LRP1: variants seen among roughly 807,000 people sequenced by gnomAD.
LRP1 encodes the protein prolow-density lipoprotein receptor-related protein 1.
In LRP1, 51 loss-of-function variants were observed where a neutral mutation model predicts 541.5. The observed-to-expected ratio is 0.09, with a 90% CI of 0.08 to 0.12. LRP1 has a LOEUF of 0.12. LRP1 is among the 10% of genes least tolerant of loss of function. The pLI, the probability that LRP1 is intolerant of heterozygous loss-of-function variation, is 1.00. For missense variants in LRP1, 3,878 were observed against 6,376.2 expected, an observed-to-expected ratio of 0.61 and a Z score of 13.34; for synonymous variants, 2,219 against 2,470.8, an observed-to-expected ratio of 0.90 and a Z score of 3.02.
intron 15 of LRP1, among the ~76,000 whole-genome samples, chr12:57,164,025 G>T (rs564912840): frequency 1.8e-4 from 27 of 152,232 alleles, no homozygotes; most frequent in African/African-American, 6.3e-4. Flanking sequence ...ACAAAAATTA[G>T]CCAGGCATGG....
chr12:57,184,341 T>C lies in LRP1; in HGVS notation c.6075T>C (p.Thr2025=). 6.2e-7 allele frequency: 1 copy of C among 1,614,214 alleles called. No homozygotes were observed. The highest frequency in any genetic ancestry group is 1.3e-5 in the African/African-American group (1 of 75,048). ...CACCCTACAGGTACTTGTTCTGGAC[T>C]GAGTGGGGTCAGTATCCGCGTATTG... ...VHPEKGYLFW[T]EWGQYPRIER... is the part of the protein sequence containing the mutation. Residue 2025 remains threonine (T), a synonymous_variant, in exon 38 of 89, where the codon ACT becomes ACC. Transcript: ENST00000243077. This position sits in a 1 kb window ranked among gnomAD's most constrained non-coding sequence, Gnocchi z 7.8.
At position 57,183,291 on chromosome 12, in the gene LRP1, G is replaced by A; in HGVS notation, c.5663-88G>A. On this transcript the variant is annotated intron_variant, in intron 34 of 88. Transcript: ENST00000243077. This position sits in a 1 kb window ranked among gnomAD's most constrained non-coding sequence, Gnocchi z 6.1. ...ATGGTGGGGGGGGATGATATCAAAG[G>A]AGAAGCAGAGAACAGTTGGAGGGTG... The A allele has an allele frequency of 1.4e-6, 2 of 1,390,258 alleles. No individual in the cohort carries two copies. The highest frequency in any genetic ancestry group is 2.0e-6 in the Non-Finnish European group (2 of 1,001,810). 86.1% of individuals were successfully genotyped at this position (1,390,258 alleles called of 1,614,324 possible). A position where few individuals can be genotyped will look rare whatever the true frequency, so the allele number is the denominator to read the frequency against.
rs770745847 is a variant in LRP1 at position 57,173,897 on chromosome 12, A to C, written c.3464A>C (p.Asn1155Thr). ...CRPPSHPCAN[N>T]TSVCLPPDKL... ...CCACCCTCGCACCCTTGTGCCAACA[A>C]CACCTCAGTCTGCCTGCCCCCTGAC... The change falls in exon 22 of 89, where the codon AAC (asparagine) becomes ACC (threonine). Residue 1155 changes from asparagine to threonine, a missense_variant. By Grantham distance (65) the Asn-to-Thr change is moderately conservative. Around this residue, in one of 13 missense-constraint regions of LRP1, gnomAD observed 320 missense variants for 547.9 expected, o/e 0.58. Coordinates refer to ENST00000243077, the MANE Select transcript of LRP1 (RefSeq NM_002332.3). The surrounding 1 kb of genome is among the most constrained non-coding windows in gnomAD (Gnocchi z 4.7). The C allele has an allele frequency of 5.6e-6, 9 of 1,614,200 alleles. No individual in the cohort carries two copies. Among genetic ancestry groups the C allele is most frequent in the Non-Finnish European group, 7.6e-6 (9 of 1,180,032 alleles).
chr12:57,166,756 G>A (rs1466568226), intron 17 of LRP1, among the ~76,000 whole-genome samples, 174 bp from the exon 18 acceptor site: 1 of 152,176 alleles, frequency 6.6e-6, no homozygotes, highest in Non-Finnish European at 1.5e-5. Flanking sequence ...GAGACCCCTT[G>A]AGAGAAAGAG....
In LRP1 at chr12:57,201,112, G is replaced by A; in HGVS notation, c.10304G>A (p.Gly3435Glu). Residue 3435 changes from glycine to glutamate, a missense_variant, in exon 65 of 89, where the codon GGG (glycine) becomes GAG (glutamate). By Grantham distance (98) the Gly-to-Glu change is moderately conservative. Transcript: ENST00000243077. The surrounding 1 kb of genome is among the most constrained non-coding windows in gnomAD (Gnocchi z 6.4). ...ATTCCCGGCATCTTCCGCTGCAATG[G>A]GCAGGACAACTGCGGAGATGGGGAG... ...RCIPGIFRCN[G>E]QDNCGDGEDE... 1 of 1,613,848 alleles carries A rather than the reference G, an allele frequency of 6.2e-7. No individual in the cohort carries two copies. The highest frequency in any genetic ancestry group is 8.5e-7 in the Non-Finnish European group (1 of 1,179,914).
Position 57,165,228 on chromosome 12 carries a change from C to T in LRP1, c.2531-577C>T. On this transcript the variant is annotated intron_variant, in intron 15 of 88. Transcript: ENST00000243077. This position sits in a 1 kb window ranked among gnomAD's most constrained non-coding sequence, Gnocchi z 4.5. ...AGCGCCCAGCTGTGAGGTCTGGAGA[C>T]CGGGCTCACACAGGAGCCTGCACTT... 1 of 152,622 alleles carries T rather than the reference C, an allele frequency of 6.6e-6. No individual in the cohort carries two copies. The highest frequency in any genetic ancestry group is 3.2e-3 in the Middle Eastern group (1 of 316). The allele number at this position is 152,622 out of a possible 1,614,324, so 9.5% of individuals were successfully genotyped here.
In LRP1 at chr12:57,162,807, C is replaced by T. The variant is rs1198072822; in HGVS notation, c.2405-51C>T. The T allele has an allele frequency of 1.3e-6, 2 of 1,556,384 alleles. No individual in the cohort carries two copies. The highest frequency in any genetic ancestry group is 1.9e-5 in the Admixed American group (1 of 52,450). On this transcript the variant is annotated intron_variant, in intron 14 of 88. Transcript: ENST00000243077. This position sits in a 1 kb window ranked among gnomAD's most constrained non-coding sequence, Gnocchi z 5.2. ...TCTCCTCCCCTATCCCTTCTCTGAC[C>T]TCTCCTCACCTCTTCCTCCCTTTGC...
rs557310257 is a variant in LRP1 at position 57,181,402 on chromosome 12, G to C, written c.5662+111G>C. On this transcript the variant is annotated intron_variant, in intron 34 of 88. Coordinates refer to ENST00000243077, the MANE Select transcript of LRP1 (RefSeq NM_002332.3). ...CCTTGGGGACAAGACTACATTCGTC[G>C]TGTAGGGGACACTGGACTATGAAGT... 4.5e-6 allele frequency: 6 copies of C among 1,341,646 alleles called. No homozygotes were observed. The African/African-American group carries it at 5.8e-5, about 13-fold the overall frequency. The allele number at this position is 1,341,646 out of a possible 1,614,324, so 83.1% of individuals were successfully genotyped here. A position where few individuals can be genotyped will look rare whatever the true frequency, so the allele number is the denominator to read the frequency against.
intron 80 of LRP1, 57 bp from the exon 81 acceptor site, chr12:57,209,972 A>G (rs1392198977): frequency 6.3e-7 from 1 of 1,584,890 alleles, no homozygotes; most frequent in East Asian, 2.2e-5. Flanking sequence ...CCCTGGGCTC[A>G]CAGGGCTCAG....
chr12:57,181,364 C>G (rs568244756), intron 34 of LRP1, 73 bp downstream of exon 34: 17 of 1,516,572 alleles, frequency 1.1e-5, no homozygotes, highest in African/African-American at 4.1e-5. Flanking sequence ...ACAGCCCCAC[C>G]TTCCTCTTCT....
chr12:57,154,549 A>G lies in LRP1; in HGVS notation c.1075A>G (p.Thr359Ala). 6.2e-7 allele frequency: 1 copy of G among 1,614,230 alleles called. No individual in the cohort carries two copies. The highest frequency in any genetic ancestry group is 8.5e-7 in the Non-Finnish European group (1 of 1,180,036). ...CTGTGACATGGATGGGCAGAACCGC[A>G]CCAAGCTCGTCGACAGCAAGATTGT... ...ERCDMDGQNRTKLVDSKIVFP... is the reference protein window; with the variant it reads ...ERCDMDGQNRAKLVDSKIVFP... The change falls in exon 8 of 89, where the codon ACC becomes GCC. Residue 359 changes from threonine to alanine, a missense_variant. Transcript: ENST00000243077. The surrounding 1 kb of genome is among the most constrained non-coding windows in gnomAD (Gnocchi z 4.6).
intron 1 of LRP1, among the ~76,000 whole-genome samples, chr12:57,133,515 A>G (rs1477890811): frequency 6.6e-6 from 1 of 152,092 alleles, no homozygotes; most frequent in Non-Finnish European, 1.5e-5. Context: ...AACACCCAAA[A>G]TACAAAAAAT....
chr12:57,190,769 G>C, intron 42 of LRP1, 36 bp from the exon 43 acceptor site: 1 of 1,598,756 alleles, frequency 6.3e-7, no homozygotes, highest in South Asian at 1.1e-5. Context: ...GGATTCTCAG[G>C]CTTTGCCTCC....
Position 57,204,654 on chromosome 12 carries a change from C to A in LRP1, c.11099C>A (p.Pro3700His). ...CGGTTCGTGTGCCCTCCCAACCGGC[C>A]CTTCCGTTGCAAGAATGACCGCGTC... Reference protein sequence around the residue: ...CARFVCPPNRPFRCKNDRVCL... With the variant: ...CARFVCPPNRHFRCKNDRVCL... The change falls in exon 72 of 89, where the codon CCC becomes CAC. Residue 3700 changes from proline (P) to histidine (H), a missense_variant. Physicochemically the swap from Pro to His is moderately conservative, Grantham distance 77 (BLOSUM62 -2). Coordinates refer to ENST00000243077, the MANE Select transcript of LRP1 (RefSeq NM_002332.3). This position sits in a 1 kb window ranked among gnomAD's most constrained non-coding sequence, Gnocchi z 5.3. 2 of 1,614,024 alleles carry A rather than the reference C, an allele frequency of 1.2e-6. No homozygotes were observed. Among genetic ancestry groups the A allele is most frequent in the South Asian group, 1.1e-5 (1 of 91,080 alleles).
chr12:57,145,994 T>G (rs1005418096), intron 6 of LRP1, among the ~76,000 whole-genome samples: 35 of 152,154 alleles, frequency 2.3e-4, no homozygotes, highest in African/African-American at 8.0e-4. Context: ...ACTGAGGTTA[T>G]TTCTCTGTGG....
At position 57,205,167 on chromosome 12, in the gene LRP1, C is replaced by A; in HGVS notation, c.11253C>A (p.Asn3751Lys). The A allele has an allele frequency of 6.2e-7, 1 of 1,613,998 alleles. No homozygotes were observed. Among genetic ancestry groups the A allele is most frequent in the South Asian group, 1.1e-5 (1 of 91,090 alleles). The stretch of plus-strand genomic sequence containing the variant: ...ACAAGAAGGAGTTTCTGTGCCGGAA[C>A]CAGCGCTGCCTCTCCTCCTCCCTGC... ...CKDKKEFLCR[N>K]QRCLSSSLRC... is the part of the protein sequence containing the mutation. Residue 3751 changes from asparagine to lysine, a missense_variant, in exon 73 of 89, where the codon AAC becomes AAA. Physicochemically the swap from Asn to Lys is moderately conservative, Grantham distance 94. This residue lies in a region of LRP1 where 871 missense variants were observed against 1,212.4 expected (regional missense o/e 0.72). Transcript: ENST00000243077. This position sits in a 1 kb window ranked among gnomAD's most constrained non-coding sequence, Gnocchi z 4.6.
At position 57,209,794 on chromosome 12, in the gene LRP1, C is replaced by T; in HGVS notation, c.12365C>T (p.Pro4122Leu). ...AAGATCCATAAGTTTGGCCACAGCC[C>T]CTTGGTCAACCTGACAGGGGGCCTG... ...VFKIHKFGHS[P>L]LVNLTGGLSH... The change falls in exon 80 of 89, where the codon CCC (proline) becomes CTC (leucine). Residue 4122 changes from proline (P) to leucine (L), a missense_variant. Pro to Leu is a moderately conservative substitution (Grantham distance 98). Transcript: ENST00000243077. 6.2e-7 allele frequency: 1 copy of T among 1,614,218 alleles called. No homozygotes were observed. The highest frequency in any genetic ancestry group is 8.5e-7 in the Non-Finnish European group (1 of 1,180,032).
At chr12:57,167,194 C>T in intron 18 of LRP1, 148 bp downstream of exon 18, 6 of 698,642 alleles carry the variant, frequency 8.6e-6, no homozygotes, top group Non-Finnish European at 1.5e-5. Flanking sequence ...GAGAGGAGAG[C>T]CCCATCATCA....
rs542943782 is a variant in LRP1, at chr12:57,141,225, A to G, written c.191-149A>G. 1.6e-4 allele frequency: 135 copies of G among 831,378 alleles called. No homozygotes were observed. The African/African-American group carries it at 2.2e-3, about 14-fold the overall frequency. The allele number at this position is 831,378 out of a possible 1,614,324, so 51.5% of individuals were successfully genotyped here. A position where few individuals can be genotyped will look rare whatever the true frequency, so the allele number is the denominator to read the frequency against. ...GTGTGGCTACTGTGGGGAATATTGT[A>G]AAAGAGTTCCAGGTGGAAGAGTCTA... On this transcript the variant is annotated intron_variant, in intron 2 of 88. Coordinates refer to ENST00000243077, the MANE Select transcript of LRP1 (RefSeq NM_002332.3).
Sources: gnomAD v4.1 joint callset for allele counts (sites outside exome capture counted in the v4.1 genomes callset) on GRCh38, gnomAD v4.1.1 for gene constraint, gnomAD v4.1.1 regional missense constraint, Gnocchi (gnomAD v3.1) non-coding constraint, MANE v1.5 for transcripts, NCBI Gene and HGNC (gene_info 2026-07-23, HGNC 2026-07-21) for gene names.